Variants in PPIP5K2 observed in about 807,000 individuals in gnomAD.
PPIP5K2 encodes inositol hexakisphosphate and diphosphoinositol-pentakisphosphate kinase 2.
A neutral mutation model predicts 154.6 loss-of-function variants in PPIP5K2; 105 were observed. The ratio of observed to expected loss-of-function variants is 0.68; its 90% CI spans 0.58 to 0.80. PPIP5K2 has a LOEUF of 0.80. Ranked by LOEUF, PPIP5K2 falls within the 30% of genes least tolerant of loss-of-function variation. PPIP5K2 has a pLI of 0.00. For missense variants in PPIP5K2, 992 were observed against 1,504.6 expected (o/e 0.66, Z 5.64); for synonymous variants, 480 against 490.3 (o/e 0.98, Z 0.28).
At chr5:103,157,674 C>T (rs782170473) in intron 14 of PPIP5K2, among the ~76,000 whole-genome samples, 10 of 151,382 alleles carry the variant, frequency 6.6e-5, no homozygotes, top group Non-Finnish European at 1.3e-4. Context: ...TGCACTCCAG[C>T]CAGGGCGACC....
At chr5:103,123,164 A>G (rs1554199615) in intron 1 of PPIP5K2, among the ~76,000 whole-genome samples, 2 of 152,248 alleles carry the variant, frequency 1.3e-5, no homozygotes, top group East Asian at 1.9e-4. Context: ...TTAAACATCT[A>G]ACATTTACTG....
intron 4 of PPIP5K2, among the ~76,000 whole-genome samples, chr5:103,137,320 G>A (rs183906161): frequency 1.3e-5 from 2 of 151,906 alleles, no homozygotes; most frequent in Middle Eastern, 3.4e-3. Context: ...CCGCCACCAC[G>A]CCCAGCTAAT....
intron 17 of PPIP5K2, among the ~76,000 whole-genome samples, chr5:103,159,652 AT>A (rs1795924860): frequency 6.6e-6 from 1 of 152,152 alleles, no homozygotes; most frequent in African/African-American, 2.4e-5. Flanking sequence ...AAATCTATTG[AT>A]TTTAATTGGC....
intron 18 of PPIP5K2, 96 bp downstream of exon 18, chr5:103,167,416 G>A (rs1457933269): frequency 6.3e-6 from 7 of 1,116,454 alleles, no homozygotes; most frequent in South Asian, 2.1e-5. Flanking sequence ...AAGAAATCAA[G>A]CCTCTCTTGA....
chr5:103,169,703 C>G (rs1797674245), intron 19 of PPIP5K2, among the ~76,000 whole-genome samples: 1 of 151,544 alleles, frequency 6.6e-6, no homozygotes, highest in South Asian at 2.1e-4. Flanking sequence ...CGTCTTTAGG[C>G]CTTTAGGAAA....
chr5:103,194,815 A>G (rs1801803916), intron 29 of PPIP5K2, 85 bp from the exon 30 acceptor site: 1 of 1,423,476 alleles, frequency 7.0e-7, no homozygotes, highest in African/African-American at 1.4e-5. Flanking sequence ...TCGTAGGGTC[A>G]CTAAATTATA....
chr5:103,131,858 G>GT (rs1459749616), intron 2 of PPIP5K2, among the ~76,000 whole-genome samples: 6 of 152,200 alleles, frequency 3.9e-5, no homozygotes, highest in African/African-American at 1.4e-4. Context: ...CCTTAAGAAT[G>GT]TAAGTTTATT....
In PPIP5K2 at chr5:103,201,596, A is replaced by G. The variant is rs782493927; in HGVS notation, c.3694A>G (p.Thr1232Ala). 1 of 1,609,786 alleles carries G rather than the reference A, an allele frequency of 6.2e-7. No homozygotes were observed. Among genetic ancestry groups the G allele is most frequent in the South Asian group, 1.1e-5 (1 of 90,296 alleles). Residue 1232 changes from threonine to alanine, a missense_variant, in exon 31 of 31, where the codon ACG becomes GCG. By Grantham distance (58) the Thr-to-Ala change is moderately conservative. This residue lies in a region of PPIP5K2 where 131 missense variants were observed against 117.8 expected (regional missense o/e 1.11). Coordinates refer to ENST00000358359, the MANE Select transcript of PPIP5K2 (RefSeq NM_001276277.3). ...RKKNITSKTETHEHKKNTGKK... is the reference protein window; with the variant it reads ...RKKNITSKTEAHEHKKNTGKK... ...AAAGAATATAACTAGCAAAACAGAA[A>G]CGCATGAACACAAAAAAAACACTGG...
Position 103,158,315 on chromosome 5 carries a change from T to TA in PPIP5K2, c.1615+5dup. 1 of 1,609,428 alleles carries TA rather than the reference T, an allele frequency of 6.2e-7. No individual in the cohort carries two copies. Among genetic ancestry groups the TA allele is most frequent in the Non-Finnish European group, 8.5e-7 (1 of 1,178,830 alleles). On this transcript the variant is annotated splice_region_variant and intron_variant, in intron 15 of 30. Coordinates refer to ENST00000358359, the MANE Select transcript of PPIP5K2 (RefSeq NM_001276277.3). Reference sequence around the variant, plus strand: ...GGTGTATGTATCCTGGAGGTCAAGGTAAATCTTAGAGTTTTCTTTAATTTG... The same window carrying TA: ...GGTGTATGTATCCTGGAGGTCAAGGTAAAATCTTAGAGTTTTCTTTAATTTG...
rs782461610 is a variant in PPIP5K2 at position 103,155,983 on chromosome 5, GTGAAGAGGAGGGTA to G, written c.1481_1489+5del. On this transcript the variant is annotated splice_donor_variant and splice_donor_region_variant and coding_sequence_variant and intron_variant, in exon 14 of 31. Transcript: ENST00000358359. LOFTEE classifies it high-confidence loss of function. ...CCTCATGGTTGTCCTAAAACATCTAGTGAAGAGGAGGGTATGTTATTCTTAATGCTTATACAGTA... is the reference window on the plus strand; with the variant it reads ...CCTCATGGTTGTCCTAAAACATCTAGTGTTATTCTTAATGCTTATACAGTA... 6.3e-7 allele frequency: 1 copy of G among 1,580,374 alleles called. No individual in the cohort carries two copies. The highest frequency in any genetic ancestry group is 1.1e-5 in the South Asian group (1 of 90,296).
intron 17 of PPIP5K2, among the ~76,000 whole-genome samples, chr5:103,159,586 A>G (rs568180887): frequency 6.6e-6 from 1 of 152,276 alleles, no homozygotes; most frequent in South Asian, 2.1e-4. Flanking sequence ...ACTTACTTGA[A>G]TAATAAGTAT....
At chr5:103,188,579 T>TCAAAAAGA (rs1343283086) in intron 28 of PPIP5K2, 2 of 152,152 alleles carry the variant, frequency 1.3e-5, no homozygotes, top group Non-Finnish European at 2.9e-5. Context: ...AAGTGATTCT[T>TCAAAAAGA]ATTTGATACA....
At chr5:103,133,150 A>C (rs1790914530) in intron 2 of PPIP5K2, among the ~76,000 whole-genome samples, 1 of 152,242 alleles carries the variant, frequency 6.6e-6, no homozygotes, top group African/African-American at 2.4e-5. Flanking sequence ...AGGAGGATAA[A>C]TAAATGCTAG....
chr5:103,172,941 T>G (rs1798180553), intron 19 of PPIP5K2, among the ~76,000 whole-genome samples: 2 of 151,844 alleles, frequency 1.3e-5, no homozygotes, highest in Non-Finnish European at 2.9e-5. Flanking sequence ...AATTACTGGC[T>G]TTTGTTCAGT....
chr5:103,195,808 A>G (rs193001423), intron 30 of PPIP5K2, among the ~76,000 whole-genome samples: 1 of 152,256 alleles, frequency 6.6e-6, no homozygotes, highest in Admixed American at 6.5e-5. Flanking sequence ...CAACAGCCTC[A>G]TTGCAGATGT....
At chr5:103,186,830 A>G (rs2288782) in intron 27 of PPIP5K2, among the ~76,000 whole-genome samples, 22,298 of 152,170 alleles carry the variant, frequency 0.15, 2,116 homozygotes, top group Middle Eastern at 0.21. Flanking sequence ...GTAGAGGACA[A>G]TATCATATTG....
chr5:103,131,690 A>G (rs1206391407), intron 2 of PPIP5K2, among the ~76,000 whole-genome samples: 1 of 152,124 alleles, frequency 6.6e-6, no homozygotes, highest in Non-Finnish European at 1.5e-5. Context: ...ATTCCAGATC[A>G]TTCTCCTGTT....
At position 103,133,573 on chromosome 5, in the gene PPIP5K2, G is replaced by A. The variant is rs1790996769; in HGVS notation, c.235G>A (p.Glu79Lys). 3 of 1,612,340 alleles carry A rather than the reference G, an allele frequency of 1.9e-6. No homozygotes were observed. Among genetic ancestry groups the A allele is most frequent in the East Asian group, 2.2e-5 (1 of 44,728 alleles). Residue 79 changes from glutamate (E) to lysine (K), a missense_variant, in exon 3 of 31, where the codon GAA becomes AAA. Physicochemically the swap from Glu to Lys is moderately conservative, Grantham distance 56. Transcript: ENST00000358359. ...LFKYITVVVF[E>K]EEVILNEPVE... is the part of the protein sequence containing the mutation. ...TAAATATATCACAGTAGTAGTATTT[G>A]AAGAGGAGGTTATTTTGAATGAACC...
chr5:103,199,317 A>C (rs1211143194), intron 30 of PPIP5K2, among the ~76,000 whole-genome samples: 6 of 152,210 alleles, frequency 3.9e-5, no homozygotes, highest in Non-Finnish European at 8.8e-5. Context: ...AGCATTTCTT[A>C]ATCTGCAGGT....
Sources: allele counts gnomAD v4.1 joint callset (sites outside exome capture counted in the v4.1 genomes callset), GRCh38; gene constraint gnomAD v4.1.1; regional missense constraint gnomAD v4.1.1; transcripts MANE v1.5; gene names NCBI Gene and HGNC (gene_info 2026-07-23, HGNC 2026-07-21).